The following CRYBG1 variants were observed in gnomAD, a reference collection of about 807,000 sequenced individuals.
CRYBG1 encodes the protein beta/gamma crystallin domain-containing protein 1.
CRYBG1 carries 139 observed loss-of-function variants against 189.2 expected under a neutral mutation model. The observed-to-expected ratio is 0.73, with a 90% confidence interval of 0.64 to 0.85. The LOEUF is 0.85. CRYBG1 is among the 40% of genes least tolerant of loss of function. The pLI is 0.00. For synonymous variants in CRYBG1, 1,023 were observed against 1,017.1 expected (o/e 1.01, Z -0.11); for missense variants, 2,611 against 2,675.8 (o/e 0.98, Z 0.53).
chr6:106,451,937 A>G (rs555029463), intron 2 of CRYBG1, 105 bp downstream of exon 2: 3 of 741,206 alleles, frequency 4.0e-6, no homozygotes, highest in African/African-American at 1.8e-5. Context: ...AAGTAATGGT[A>G]TATATTGTAT....
rs560701980 is a variant in CRYBG1, at chr6:106,432,737, C to T, written c.174-18957C>T. On this transcript the variant is annotated intron_variant, in intron 1 of 21. Coordinates refer to ENST00000633556, the MANE Select transcript of CRYBG1 (RefSeq NM_001371242.2). ...TGTCCTCCTTAACCCTTGATTTGGC[C>T]TTTGAGGCCCCTCCATTAAACCCCT... Among the ~76,000 whole-genome samples the T allele has an allele frequency of 2.0e-5, 3 of 152,334 alleles. No homozygotes were observed. The South Asian group carries it at 6.2e-4, about 32-fold the overall frequency.
chr6:106,476,325 T>G (rs1356030080), intron 2 of CRYBG1, among the ~76,000 whole-genome samples: 1 of 152,184 alleles, frequency 6.6e-6, no homozygotes, highest in African/African-American at 2.4e-5. Flanking sequence ...CTCGGGATGA[T>G]CCTTCTGACT....
intron 2 of CRYBG1, among the ~76,000 whole-genome samples, chr6:106,475,172 A>G (rs77676053): frequency 6.6e-6 from 1 of 152,202 alleles, no homozygotes; most frequent in Non-Finnish European, 1.5e-5. Context: ...CAAATGCCAG[A>G]TCTTCAAGGA....
At position 106,520,632 on chromosome 6, in the gene CRYBG1, C is replaced by T. The variant is rs1214570956; in HGVS notation, c.3424C>T (p.Pro1142Ser). Residue 1142 changes from proline to serine, a missense_variant, in exon 4 of 22, where the codon CCT (proline) becomes TCT (serine). Pro to Ser is a moderately conservative substitution (Grantham distance 74). This residue lies in a region of CRYBG1 where 1,622 missense variants were observed against 1,735.0 expected (regional missense o/e 0.93). Coordinates refer to ENST00000633556, the MANE Select transcript of CRYBG1 (RefSeq NM_001371242.2). ...TCCTGCTCCTCACTTTGCCATGCCT[C>T]CTATTCACGAAGACCATTTAGAAAA... is the stretch of plus-strand genomic sequence containing the variant. The part of the protein sequence containing the change: ...NSPAPHFAMP[P>S]IHEDHLEKVF... The T allele has an allele frequency of 1.2e-6, 2 of 1,614,186 alleles. No homozygotes were observed. Among genetic ancestry groups the T allele is most frequent in the East Asian group, 4.5e-5 (2 of 44,894 alleles).
chr6:106,555,054 A>G (rs1047811986), intron 16 of CRYBG1, among the ~76,000 whole-genome samples: 1 of 151,884 alleles, frequency 6.6e-6, no homozygotes, highest in African/African-American at 2.4e-5. Flanking sequence ...AGTCCCAGCT[A>G]CTCAGGAGGA....
chr6:106,463,862 A>G (rs192572320), intron 2 of CRYBG1, among the ~76,000 whole-genome samples: 20 of 152,344 alleles, frequency 1.3e-4, no homozygotes, highest in Admixed American at 1.2e-3. Context: ...AATACCAGCT[A>G]CAGAGAGGCC....
chr6:106,568,654 A>C lies in CRYBG1; in HGVS notation c.*88A>C, dbSNP rs1366786980. ...ATGCTGATGGAAGACCAGACTGGAA[A>C]GTGGATCGACTCCTCCTTCATTGAT... On this transcript the variant is annotated 3_prime_UTR_variant, in exon 22 of 22. Coordinates refer to ENST00000633556, the MANE Select transcript of CRYBG1 (RefSeq NM_001371242.2). 1.1e-6 allele frequency: 1 copy of C among 929,136 alleles called. No individual in the cohort carries two copies. Among genetic ancestry groups the C allele is most frequent in the Non-Finnish European group, 1.7e-6 (1 of 586,586 alleles). 57.6% of individuals were successfully genotyped at this position (929,136 alleles called of 1,614,324 possible). A position where few individuals can be genotyped will look rare whatever the true frequency, so the allele number is the denominator to read the frequency against.
intron 1 of CRYBG1, among the ~76,000 whole-genome samples, chr6:106,403,412 C>T (rs935487585): frequency 1.1e-4 from 16 of 152,134 alleles, no homozygotes; most frequent in Non-Finnish European, 1.6e-4. Context: ...CATGATTCCG[C>T]GTTGTGGGAT....
chr6:106,520,555 A>G lies in CRYBG1; in HGVS notation c.3347A>G (p.Asp1116Gly). The G allele has an allele frequency of 6.2e-7, 1 of 1,614,166 alleles. No homozygotes were observed. Among genetic ancestry groups the G allele is most frequent in the Non-Finnish European group, 8.5e-7 (1 of 1,179,990 alleles). ...TTCACTGAAATTATAAAACAGATGG[A>G]TAGCGCAGTTTGTATGCCCATGAAA... is the stretch of plus-strand genomic sequence containing the variant. Reference protein sequence around the residue: ...EKFTEIIKQMDSAVCMPMKRK... With the variant: ...EKFTEIIKQMGSAVCMPMKRK... Residue 1116 changes from aspartate to glycine, a missense_variant, in exon 4 of 22, where the codon GAT becomes GGT. Transcript: ENST00000633556.
At chr6:106,455,818 C>T (rs146830663) in intron 2 of CRYBG1, among the ~76,000 whole-genome samples, 172 of 152,156 alleles carry the variant, frequency 1.1e-3, no homozygotes, top group African/African-American at 3.6e-3. Flanking sequence ...CTGAATAAAG[C>T]TGCTGTTTCC....
intron 1 of CRYBG1, among the ~76,000 whole-genome samples, chr6:106,447,444 G>T (rs1460262098): frequency 6.6e-6 from 1 of 151,674 alleles, no homozygotes; most frequent in Non-Finnish European, 1.5e-5. Flanking sequence ...GAATATAATT[G>T]GATTGTTTGT....
chr6:106,436,403 A>G (rs1489217417), intron 1 of CRYBG1, among the ~76,000 whole-genome samples: 11 of 149,132 alleles, frequency 7.4e-5, no homozygotes, highest in Middle Eastern at 3.5e-3. Context: ...GGTTCACTCC[A>G]TTCTCCTGCC....
At chr6:106,393,256 C>T (rs1039504615) in intron 1 of CRYBG1, among the ~76,000 whole-genome samples, 119 of 152,104 alleles carry the variant, frequency 7.8e-4, no homozygotes, top group African/African-American at 2.8e-3. Flanking sequence ...AGAGAAGGCC[C>T]GGTAACATGA....
chr6:106,508,784 C>T (rs1440347522), intron 2 of CRYBG1, among the ~76,000 whole-genome samples: 1 of 152,198 alleles, frequency 6.6e-6, no homozygotes, highest in African/African-American at 2.4e-5. Flanking sequence ...CCACTATGAA[C>T]ATTCATGTAT....
At chr6:106,398,733 C>T (rs1770663002) in intron 1 of CRYBG1, among the ~76,000 whole-genome samples, 1 of 152,114 alleles carries the variant, frequency 6.6e-6, no homozygotes, top group Non-Finnish European at 1.5e-5. Flanking sequence ...TTTTCGTTTG[C>T]TCCAATCAAA....
chr6:106,447,809 G>A (rs1378935621), intron 1 of CRYBG1, among the ~76,000 whole-genome samples: 3 of 152,178 alleles, frequency 2.0e-5, no homozygotes, highest in South Asian at 2.1e-4. Flanking sequence ...ATCCTTGAGG[G>A]CAGGGAGTGG....
chr6:106,558,044 AG>A (rs1774597951), intron 17 of CRYBG1, among the ~76,000 whole-genome samples: 1 of 152,206 alleles, frequency 6.6e-6, no homozygotes, highest in Admixed American at 6.5e-5. Flanking sequence ...AATACATACA[AG>A]AGGAAGGTTC....
chr6:106,371,842 T>G (rs1770043328), intron 1 of CRYBG1, among the ~76,000 whole-genome samples: 1 of 152,264 alleles, frequency 6.6e-6, no homozygotes, highest in Admixed American at 6.5e-5. Context: ...TTTCAAGTAC[T>G]TTGGCCTAGA....
chr6:106,557,124 A>G (rs941467264), intron 17 of CRYBG1, among the ~76,000 whole-genome samples: 13 of 152,224 alleles, frequency 8.5e-5, no homozygotes, highest in Non-Finnish European at 1.3e-4. Flanking sequence ...TTTTAATACT[A>G]AAGTGTTTAG....
Sources: allele counts gnomAD v4.1 joint callset (sites outside exome capture counted in the v4.1 genomes callset), GRCh38; gene constraint gnomAD v4.1.1; regional missense constraint gnomAD v4.1.1; transcripts MANE v1.5; gene names NCBI Gene and HGNC (gene_info 2026-07-23, HGNC 2026-07-21).